KLF12: variants seen among roughly 807,000 people sequenced by gnomAD.
The protein encoded by KLF12 is KLF transcription factor 12.
In KLF12, 9 loss-of-function variants were observed where a neutral mutation model predicts 37.8. The observed-to-expected ratio is 0.24, with a 90% CI of 0.14 to 0.42. The LOEUF is 0.42. KLF12 is among the 10% of genes least tolerant of loss of function. The probability of loss-of-function intolerance (pLI) is 1.00; values close to 1 mark genes in which losing one functional copy is unlikely to be tolerated. For synonymous variants in KLF12, 208 were observed against 202.1 expected (o/e 1.03, Z -0.25); for missense variants, 411 against 516.0 (o/e 0.80, Z 1.97).
intron 4 of KLF12, among the ~76,000 whole-genome samples, chr13:73,843,488 T>C (rs1278693146): frequency 2.0e-5 from 3 of 152,058 alleles, no homozygotes. Flanking sequence ...TTTGTATCTT[T>C]AGTAGAGATC....
intron 3 of KLF12, among the ~76,000 whole-genome samples, chr13:73,876,319 C>T (rs865794425): frequency 3.3e-5 from 5 of 152,172 alleles, no homozygotes; most frequent in Admixed American, 1.3e-4. Context: ...CTTTTAGTGG[C>T]TACTCTCAGG....
At chr13:73,947,435 G>A (rs1005557792) in intron 2 of KLF12, among the ~76,000 whole-genome samples, 1 of 152,108 alleles carries the variant, frequency 6.6e-6, no homozygotes, top group South Asian at 2.1e-4. Context: ...CAGGTAACTT[G>A]AGCTCAGGAG....
the KLF12 span, among the ~76,000 whole-genome samples, chr13:74,169,916 G>A: frequency 6.6e-6 from 1 of 152,160 alleles, no homozygotes; most frequent in Non-Finnish European, 1.5e-5. Flanking sequence ...TGCCCAAGGG[G>A]TCAACAGCTG....
chr13:74,017,161 C>A (rs1892708451), intron 1 of KLF12, among the ~76,000 whole-genome samples: 2 of 147,932 alleles, frequency 1.4e-5, no homozygotes, highest in African/African-American at 5.0e-5. Flanking sequence ...GGGAACTCAT[C>A]CATTTGTACA....
At chr13:74,176,450 G>T in the KLF12 span, among the ~76,000 whole-genome samples, 21 of 152,098 alleles carry the variant, frequency 1.4e-4, no homozygotes, top group African/African-American at 5.1e-4. Context: ...GCCTCATGGT[G>T]CCCTGTCTTC....
chr13:73,967,462 C>T (rs1891202273), intron 2 of KLF12, among the ~76,000 whole-genome samples: 1 of 152,102 alleles, frequency 6.6e-6, no homozygotes, highest in African/African-American at 2.4e-5. Context: ...AAAAGAAATA[C>T]CACTCCTGCT....
chr13:73,912,129 T>C (rs1041860580), intron 3 of KLF12, among the ~76,000 whole-genome samples: 27 of 152,300 alleles, frequency 1.8e-4, no homozygotes, highest in African/African-American at 6.3e-4. Context: ...ACTAGAGCTA[T>C]AAATATTTAG....
intron 4 of KLF12, among the ~76,000 whole-genome samples, chr13:73,815,456 A>C (rs1883164444): frequency 6.6e-6 from 1 of 152,236 alleles, no homozygotes; most frequent in African/African-American, 2.4e-5. Context: ...CGTAGGATCC[A>C]GGAATGACTT....
intron 3 of KLF12, among the ~76,000 whole-genome samples, chr13:73,911,816 C>T (rs1035906685): frequency 1.3e-5 from 2 of 152,162 alleles, no homozygotes; most frequent in Admixed American, 6.5e-5. Flanking sequence ...TGTCTTTGTG[C>T]CTTCATTCTA....
At chr13:73,781,438 T>C (rs141953547) in intron 5 of KLF12, among the ~76,000 whole-genome samples, 2 of 152,356 alleles carry the variant, frequency 1.3e-5, no homozygotes, top group East Asian at 3.9e-4. Context: ...TCTCCATCAT[T>C]GTTATTACAA....
chr13:74,064,381 T>C (rs2325593), intron 1 of KLF12, among the ~76,000 whole-genome samples: 143,090 of 152,292 alleles, frequency 0.94, 67,871 homozygotes, highest in East Asian at 1. Flanking sequence ...ATGAACAGTG[T>C]CTTCGTGGAT....
In KLF12 at chr13:73,846,160, T is replaced by G. The variant is rs1442228223; in HGVS notation, c.337A>C (p.Thr113Pro). ...CTAGAAGACGATGAAGAGGTTGAAGTTGAAGAAGGTGAGGAGGCAGATGCT... is the reference window on the plus strand; with the variant it reads ...CTAGAAGACGATGAAGAGGTTGAAGGTGAAGAAGGTGAGGAGGCAGATGCT... The change falls in exon 4 of 8, where the codon ACT becomes CCT. Residue 113 changes from threonine to proline, a missense_variant. Coordinates refer to ENST00000377669, the MANE Select transcript of KLF12 (RefSeq NM_007249.5). 6.2e-7 allele frequency: 1 copy of G among 1,613,976 alleles called. No individual in the cohort carries two copies. Among genetic ancestry groups the G allele is most frequent in the East Asian group, 2.2e-5 (1 of 44,872 alleles).
intron 6 of KLF12, among the ~76,000 whole-genome samples, chr13:73,749,085 T>C (rs936589920): frequency 3.9e-5 from 6 of 152,158 alleles, no homozygotes; most frequent in Admixed American, 2.0e-4. Context: ...CTTTTCAGTG[T>C]GTGTTCTAAG....
chr13:74,046,920 C>A (rs1224217576), intron 1 of KLF12, among the ~76,000 whole-genome samples: 1 of 152,066 alleles, frequency 6.6e-6, no homozygotes, highest in Non-Finnish European at 1.5e-5. Context: ...TATCTCTTCA[C>A]TATCATTGAT....
intron 3 of KLF12, among the ~76,000 whole-genome samples, chr13:73,884,321 C>G (rs916222614): frequency 6.6e-6 from 1 of 152,174 alleles, no homozygotes; most frequent in Non-Finnish European, 1.5e-5. Context: ...AGCGCAAATA[C>G]GGCCCACAAA....
the KLF12 span, among the ~76,000 whole-genome samples, chr13:74,280,644 A>C: frequency 1.4e-3 from 211 of 152,250 alleles, no homozygotes; most frequent in African/African-American, 4.5e-3. Flanking sequence ...GGTGGTAGAA[A>C]GTACCCTCGT....
the KLF12 span, among the ~76,000 whole-genome samples, chr13:74,290,779 CGTT>C: frequency 3.6e-3 from 543 of 152,302 alleles, 4 homozygotes; most frequent in African/African-American, 0.013. Flanking sequence ...GTATTTTAAA[CGTT>C]GTTGTCCTGA....
At chr13:73,736,524 T>G (rs1173472697) in intron 6 of KLF12, among the ~76,000 whole-genome samples, 2 of 152,218 alleles carry the variant, frequency 1.3e-5, no homozygotes, top group African/African-American at 4.8e-5. Flanking sequence ...TCTCATAATT[T>G]CCATACAATT....
At chr13:74,285,540 A>G in the KLF12 span, among the ~76,000 whole-genome samples, 6 of 152,202 alleles carry the variant, frequency 3.9e-5, no homozygotes, top group Non-Finnish European at 7.3e-5. Context: ...GTATTGTGTG[A>G]TGGGGCATCC....
Sources: gnomAD v4.1 joint callset for allele counts (sites outside exome capture counted in the v4.1 genomes callset) on GRCh38, gnomAD v4.1.1 for gene constraint, MANE v1.5 for transcripts, NCBI Gene and HGNC (gene_info 2026-07-23, HGNC 2026-07-21) for gene names.